The following CDH23 variants were observed in gnomAD, a reference collection of about 807,000 sequenced individuals.
CDH23 encodes cadherin related 23.
Under a neutral mutation model 317.1 loss-of-function variants are expected in CDH23, and 189 were observed. The ratio of observed to expected loss-of-function variants is 0.60; its 90% CI spans 0.53 to 0.67. The LOEUF is 0.67. Among genes scored for constraint, CDH23 ranks in the 30% least tolerant of loss-of-function variants. The probability of loss-of-function intolerance (pLI) is 0.00; values close to 1 mark genes in which losing one functional copy is unlikely to be tolerated. For synonymous variants in CDH23, 1,839 were observed against 1,876.8 expected (o/e 0.98, Z 0.52); for missense variants, 4,401 against 4,592.4 (o/e 0.96, Z 1.20).
chr10:71,626,308 C>G (rs541609465), intron 11 of CDH23, among the ~76,000 whole-genome samples: 1 of 152,292 alleles, frequency 6.6e-6, no homozygotes, highest in South Asian at 2.1e-4. Context: ...CCTAGCTCCC[C>G]ACTCGGGCCT....
At chr10:71,728,701 G>A (rs1329727660) in intron 30 of CDH23, among the ~76,000 whole-genome samples, 9 of 152,136 alleles carry the variant, frequency 5.9e-5, no homozygotes, top group Admixed American at 2.0e-4. Context: ...AGTTCCTACC[G>A]GCCCCAGCTC....
chr10:71,660,358 G>T (rs1014147335), intron 14 of CDH23, among the ~76,000 whole-genome samples: 6 of 152,150 alleles, frequency 3.9e-5, no homozygotes, highest in Admixed American at 6.5e-5. Context: ...TACGATCAAG[G>T]TGTATTTTTC....
intron 1 of CDH23, among the ~76,000 whole-genome samples, chr10:71,414,750 C>T (rs1015042804): frequency 6.6e-6 from 1 of 151,932 alleles, no homozygotes; most frequent in African/African-American, 2.4e-5. Context: ...TGTTTGTTTT[C>T]TGGAGGAGTG....
chr10:71,576,364 G>T (rs1425667708), intron 8 of CDH23, among the ~76,000 whole-genome samples: 1 of 152,222 alleles, frequency 6.6e-6, no homozygotes, highest in Admixed American at 6.5e-5. Flanking sequence ...AGGGATACAA[G>T]TGCTTGGGGA....
At position 71,805,869 on chromosome 10, in the gene CDH23, G is replaced by C. The variant is rs747025744; in HGVS notation, c.7936G>C (p.Gly2646Arg). Residue 2646 changes from glycine (G) to arginine (R), a missense_variant, in exon 56 of 70, where the codon GGG becomes CGG. Physicochemically the swap from Gly to Arg is moderately radical, Grantham distance 125. Coordinates refer to ENST00000224721, the MANE Select transcript of CDH23 (RefSeq NM_022124.6). ...YATDKDEGLNGAVRYSFLKTA... is the reference protein window; with the variant it reads ...YATDKDEGLNRAVRYSFLKTA... ...CACGGACAAGGATGAGGGCCTCAAC[G>C]GGGCGGTGCGCTACAGCTTCCTGAA... 7 of 1,613,838 alleles carry C rather than the reference G, an allele frequency of 4.3e-6. No individual in the cohort carries two copies. In the Admixed American group the frequency reaches 6.7e-5, roughly 15 times the overall value.
In CDH23 at chr10:71,646,586, T is replaced by A. The variant is rs1309377461; in HGVS notation, c.1418T>A (p.Val473Asp). The change falls in exon 14 of 70, where the codon GTC becomes GAC. Residue 473 changes from valine to aspartate, a missense_variant. Val to Asp is a radical substitution (Grantham distance 152, BLOSUM62 -3). Coordinates refer to ENST00000224721, the MANE Select transcript of CDH23 (RefSeq NM_022124.6). ...TACAACATCAGCCTGTACGAGAACGTCACCGTGGGGACCTCTGTGCTGACA... is the reference window on the plus strand; with the variant it reads ...TACAACATCAGCCTGTACGAGAACGACACCGTGGGGACCTCTGTGCTGACA... ...PLYNISLYEN[V>D]TVGTSVLTVL... is the part of the protein sequence containing the mutation. The A allele has an allele frequency of 6.2e-7, 1 of 1,613,946 alleles. No homozygotes were observed. The highest frequency in any genetic ancestry group is 1.1e-5 in the South Asian group (1 of 91,070).
At chr10:71,513,313 G>A (rs969757697) in intron 6 of CDH23, among the ~76,000 whole-genome samples, 25 of 152,218 alleles carry the variant, frequency 1.6e-4, no homozygotes, top group African/African-American at 4.6e-4. Flanking sequence ...GCCCTTGCCT[G>A]GTGTGGTCAC....
chr10:71,576,177 C>G (rs1301622639), intron 8 of CDH23, among the ~76,000 whole-genome samples: 1 of 152,226 alleles, frequency 6.6e-6, no homozygotes, highest in Non-Finnish European at 1.5e-5. Flanking sequence ...CACCAGCCCC[C>G]TCGTGTCTCC....
rs1856533185 is a variant in CDH23 at position 71,550,579 on chromosome 10, A to AAAAAAG, written c.430-16153_430-16148dup. On this transcript the variant is annotated intron_variant, in intron 6 of 69. Coordinates refer to ENST00000224721, the MANE Select transcript of CDH23 (RefSeq NM_022124.6). The stretch of plus-strand genomic sequence containing the variant: ...TGTCTCAAAAAAAAAAAAAAAAAAG[A>AAAAAAG]AAAAAGAAAAAGAAAGAAAGAAAGA... Among the ~76,000 whole-genome samples, 267 of 121,136 alleles carry AAAAAAG rather than the reference A, an allele frequency of 2.2e-3. 4 individuals are homozygous for AAAAAAG. The highest frequency in any genetic ancestry group is 2.9e-3 in the African/African-American group (96 of 32,694). 79.5% of individuals were successfully genotyped at this position (121,136 alleles called of 152,430 possible). A position where few individuals can be genotyped will look rare whatever the true frequency, so the allele number is the denominator to read the frequency against.
At chr10:71,431,933 T>C (rs905820809) in intron 1 of CDH23, among the ~76,000 whole-genome samples, 3 of 151,994 alleles carry the variant, frequency 2.0e-5, no homozygotes, top group African/African-American at 7.3e-5. Flanking sequence ...AAGAGGGGAG[T>C]GTGCCTTGCT....
At chr10:71,678,613 G>T (rs1282727366) in intron 16 of CDH23, among the ~76,000 whole-genome samples, 2 of 152,158 alleles carry the variant, frequency 1.3e-5, no homozygotes, top group Admixed American at 1.3e-4. Flanking sequence ...CCTGGCCACG[G>T]CCCCCCGTAC....
intron 3 of CDH23, among the ~76,000 whole-genome samples, chr10:71,492,067 G>A (rs890662928): frequency 6.6e-6 from 1 of 152,216 alleles, no homozygotes; most frequent in Non-Finnish European, 1.5e-5. Context: ...ACAGAGCCCA[G>A]AGTCCTGCCA....
chr10:71,761,882 G>C (rs572650329), intron 38 of CDH23: 1 of 1,614,088 alleles, frequency 6.2e-7, no homozygotes, highest in Non-Finnish European at 8.5e-7. Context: ...CTCGCCCCTC[G>C]AGCTGCGGTA....
At chr10:71,676,487 C>T (rs921513604) in intron 15 of CDH23, among the ~76,000 whole-genome samples, 3 of 151,872 alleles carry the variant, frequency 2.0e-5, no homozygotes, top group African/African-American at 4.8e-5. Context: ...ATTAGCCGGG[C>T]GTGGTGGCAG....
At chr10:71,643,979 C>T (rs1250729436) in intron 12 of CDH23, 113 bp downstream of exon 12, 9 of 707,688 alleles carry the variant, frequency 1.3e-5, no homozygotes, top group Non-Finnish European at 2.3e-5. Context: ...CTCTCAGGCC[C>T]CCAGCTCCTG....
At chr10:71,599,239 A>G (rs529068288) in intron 9 of CDH23, among the ~76,000 whole-genome samples, 11 of 152,204 alleles carry the variant, frequency 7.2e-5, no homozygotes, top group Admixed American at 1.3e-4. Flanking sequence ...GAAAGGGAAC[A>G]TTGCAGCTAT....
intron 1 of CDH23, among the ~76,000 whole-genome samples, chr10:71,400,196 A>T (rs1009734341): frequency 6.6e-6 from 1 of 152,222 alleles, no homozygotes; most frequent in Non-Finnish European, 1.5e-5. Flanking sequence ...GGTCCTCTGG[A>T]TGATGACCCT....
At chr10:71,695,271 G>A in intron 21 of CDH23, 147 bp from the exon 22 acceptor site, 1 of 668,992 alleles carries the variant, frequency 1.5e-6, no homozygotes, top group South Asian at 1.7e-5. Flanking sequence ...GAAAGCCCAG[G>A]CTCTGCCCAA....
intron 1 of CDH23, among the ~76,000 whole-genome samples, chr10:71,426,222 T>A (rs766715561): frequency 6.6e-6 from 1 of 152,148 alleles, no homozygotes; most frequent in Non-Finnish European, 1.5e-5. Context: ...GGAGCAGTGA[T>A]GGGGTCAGCA....
Sources: gnomAD v4.1 joint callset for allele counts (sites outside exome capture counted in the v4.1 genomes callset) on GRCh38, gnomAD v4.1.1 for gene constraint, MANE v1.5 for transcripts, NCBI Gene and HGNC (gene_info 2026-07-23, HGNC 2026-07-21) for gene names.